ADGRV1: variants seen among roughly 807,000 people sequenced by gnomAD.
The protein encoded by ADGRV1 is adhesion G protein-coupled receptor V1.
In ADGRV1, 359 loss-of-function variants were observed where a neutral mutation model predicts 596.2. The ratio of observed to expected loss-of-function variants is 0.60; its 90% CI spans 0.55 to 0.66. The LOEUF (loss-of-function observed/expected upper bound fraction) is 0.66, where lower values mean the gene tolerates loss of function less well. Among genes scored for constraint, ADGRV1 ranks in the 30% least tolerant of loss-of-function variants. ADGRV1 has a pLI of 0.00. For synonymous variants in ADGRV1, 2,681 were observed against 2,679.2 expected (o/e 1.00, Z -0.02); for missense variants, 7,274 against 7,575.6 (o/e 0.96, Z 1.48).
intron 84 of ADGRV1, among the ~76,000 whole-genome samples, chr5:90,972,397 A>G (rs955177206): frequency 2.0e-5 from 3 of 152,238 alleles, no homozygotes; most frequent in Non-Finnish European, 2.9e-5. Flanking sequence ...AACAGATTAT[A>G]CATTCTTCTC....
chr5:90,799,825 G>A (rs1761160755), intron 70 of ADGRV1, among the ~76,000 whole-genome samples: 2 of 152,120 alleles, frequency 1.3e-5, no homozygotes, highest in African/African-American at 2.4e-5. Context: ...CAAGCAATGG[G>A]GAAAGGATTC....
chr5:90,614,859 T>C lies in ADGRV1; in HGVS notation c.47T>C (p.Val16Ala). ...GGGATGCCCTCTGCATCTTTATTAG[T>C]AAATCTTCTTTCAGCTTTACTCATC... ...GPGMPSASLLVNLLSALLILF... is the reference protein window; with the variant it reads ...GPGMPSASLLANLLSALLILF... Residue 16 changes from valine (V) to alanine (A), a missense_variant, in exon 2 of 90, where the codon GTA (valine) becomes GCA (alanine). Transcript: ENST00000405460. 6.2e-7 allele frequency: 1 copy of C among 1,610,432 alleles called. No individual in the cohort carries two copies. The highest frequency in any genetic ancestry group is 8.5e-7 in the Non-Finnish European group (1 of 1,177,736).
At chr5:90,874,309 T>A (rs1272891568) in intron 83 of ADGRV1, among the ~76,000 whole-genome samples, 1 of 152,164 alleles carries the variant, frequency 6.6e-6, no homozygotes, top group Non-Finnish European at 1.5e-5. Context: ...TTATACAGCA[T>A]TGACTCACTC....
In ADGRV1 at chr5:90,716,644, T is replaced by C; in HGVS notation, c.9362T>C (p.Val3121Ala). 2 of 1,613,296 alleles carry C rather than the reference T, an allele frequency of 1.2e-6. No homozygotes were observed. Among genetic ancestry groups the C allele is most frequent in the Non-Finnish European group, 1.7e-6 (2 of 1,179,268 alleles). ...LFGTVTVQFI[V>A]TEVNSSNESK... ...GGAACAGTGACAGTTCAGTTCATTG[T>C]GACAGAAGTGAATTCCTCAAATGAA... The change falls in exon 43 of 90, where the codon GTG (valine) becomes GCG (alanine). Residue 3121 changes from valine to alanine, a missense_variant. By Grantham distance (64) the Val-to-Ala change is moderately conservative. Coordinates refer to ENST00000405460, the MANE Select transcript of ADGRV1 (RefSeq NM_032119.4).
At chr5:90,559,884 A>G (rs1023699585) in intron 1 of ADGRV1, among the ~76,000 whole-genome samples, 1 of 152,150 alleles carries the variant, frequency 6.6e-6, no homozygotes, top group Non-Finnish European at 1.5e-5. Context: ...AACAACAACA[A>G]CAAAAACCCC....
intron 89 of ADGRV1, among the ~76,000 whole-genome samples, chr5:91,155,065 G>A (rs1198378836): frequency 6.6e-6 from 1 of 152,210 alleles, no homozygotes; most frequent in Non-Finnish European, 1.5e-5. Context: ...TTAGTGCTTA[G>A]AATAACCTTT....
chr5:90,875,722 C>G (rs1769158987), intron 83 of ADGRV1, among the ~76,000 whole-genome samples: 1 of 152,134 alleles, frequency 6.6e-6, no homozygotes, highest in Non-Finnish European at 1.5e-5. Flanking sequence ...ATTGGCTCTT[C>G]AAGCAGCTTT....
At chr5:90,886,502 A>G (rs1339851228) in intron 83 of ADGRV1, among the ~76,000 whole-genome samples, 2 of 152,224 alleles carry the variant, frequency 1.3e-5, no homozygotes. Context: ...TACTAAAATT[A>G]TAGAAATATT....
At chr5:90,761,186 A>G (rs937453612) in intron 58 of ADGRV1, among the ~76,000 whole-genome samples, 5 of 124,926 alleles carry the variant, frequency 4.0e-5, no homozygotes, top group Non-Finnish European at 6.6e-5. Context: ...TGATGCTCCA[A>G]AATTGAAATA....
intron 87 of ADGRV1, among the ~76,000 whole-genome samples, chr5:91,112,095 C>T (rs1245241370): frequency 6.6e-6 from 1 of 152,168 alleles, no homozygotes; most frequent in Admixed American, 6.5e-5. Flanking sequence ...TGCTCATTAG[C>T]CTGTTGATTG....
At chr5:90,707,192 T>G (rs1406908867) in intron 38 of ADGRV1, among the ~76,000 whole-genome samples, 14 of 152,160 alleles carry the variant, frequency 9.2e-5, no homozygotes, top group Admixed American at 8.5e-4. Context: ...CATTAATGAT[T>G]GAAATTGCAT....
At position 90,711,242 on chromosome 5, in the gene ADGRV1, C is replaced by A. The variant is rs1442112970; in HGVS notation, c.8962C>A (p.Pro2988Thr). ...LTLVAQRSRE[P>T]LGHVSLFVYA... ...ATTGGTAGCCCAGAGGAGCAGAGAA[C>A]CTCTTGGCCATGTTTCCTTATTTGT... Residue 2988 changes from proline to threonine, a missense_variant, in exon 41 of 90, where the codon CCT becomes ACT. Transcript: ENST00000405460. 3 of 1,612,804 alleles carry A rather than the reference C, an allele frequency of 1.9e-6. No homozygotes were observed. In the East Asian group the frequency reaches 6.7e-5, roughly 36 times the overall value.
intron 87 of ADGRV1, among the ~76,000 whole-genome samples, chr5:91,116,832 G>T (rs980062525): frequency 6.6e-6 from 1 of 152,220 alleles, no homozygotes; most frequent in South Asian, 2.1e-4. Context: ...CAAAAAGGGG[G>T]CCACTACCCT....
intron 85 of ADGRV1, among the ~76,000 whole-genome samples, chr5:90,992,478 G>C (rs891067881): frequency 4.3e-4 from 65 of 152,196 alleles, no homozygotes; most frequent in African/African-American, 1.5e-3. Context: ...GCTTTGCACA[G>C]AAGGTGGAAC....
rs541268513 is a variant in ADGRV1, at chr5:90,607,283, A to G, written c.23-7552A>G. Among the ~76,000 whole-genome samples the G allele has an allele frequency of 2.0e-5, 3 of 152,298 alleles. No homozygotes were observed. The East Asian group carries it at 5.8e-4, about 29-fold the overall frequency. On this transcript the variant is annotated intron_variant, in intron 1 of 89. Transcript: ENST00000405460. The stretch of plus-strand genomic sequence containing the variant: ...TAAAGGCACAGGAAATAATAGTATC[A>G]GGTACCTTTAAAACTTTGGTGGTGA...
At chr5:90,940,214 A>G (rs908072101) in intron 83 of ADGRV1, among the ~76,000 whole-genome samples, 1 of 152,206 alleles carries the variant, frequency 6.6e-6, no homozygotes, top group African/African-American at 2.4e-5. Flanking sequence ...TTGGATATAA[A>G]TCTGATTCTG....
chr5:90,805,690 C>T (rs1761837513), intron 72 of ADGRV1, among the ~76,000 whole-genome samples: 1 of 152,138 alleles, frequency 6.6e-6, no homozygotes, highest in Non-Finnish European at 1.5e-5. Context: ...GGTCACTAAG[C>T]AAACTACTCT....
chr5:90,700,646 C>T (rs1747794531), intron 34 of ADGRV1, among the ~76,000 whole-genome samples: 1 of 152,072 alleles, frequency 6.6e-6, no homozygotes, highest in East Asian at 1.9e-4. Flanking sequence ...TTTTTCTTCT[C>T]TTAGGGACAG....
chr5:90,651,018 T>C (rs891920209), intron 17 of ADGRV1, among the ~76,000 whole-genome samples: 1 of 152,128 alleles, frequency 6.6e-6, no homozygotes, highest in African/African-American at 2.4e-5. Context: ...AGTGCCAATA[T>C]ACTGTGCAAA....
Sources: gnomAD v4.1 joint callset for allele counts (sites outside exome capture counted in the v4.1 genomes callset) on GRCh38, gnomAD v4.1.1 for gene constraint, MANE v1.5 for transcripts, NCBI Gene and HGNC (gene_info 2026-07-23, HGNC 2026-07-21) for gene names.